The following RBL1 variants were observed in gnomAD, a reference collection of about 807,000 sequenced individuals.
RBL1 encodes retinoblastoma-like protein 1.
In RBL1, 82 loss-of-function variants were observed where a neutral mutation model predicts 123.0. The observed-to-expected ratio is 0.67, with a 90% CI of 0.56 to 0.80. The LOEUF (loss-of-function observed/expected upper bound fraction) is 0.80, where lower values mean the gene tolerates loss of function less well. RBL1 is among the 30% of genes least tolerant of loss of function. The pLI is 0.00. For synonymous variants in RBL1, 405 were observed against 441.3 expected, an observed-to-expected ratio of 0.92 and a Z score of 1.03; for missense variants, 1,171 against 1,299.6, an observed-to-expected ratio of 0.90 and a Z score of 1.52.
chr20:37,000,659 C>T (rs867084751), intron 21 of RBL1, among the ~76,000 whole-genome samples: 2,849 of 132,396 alleles, frequency 0.022, no homozygotes, highest in Non-Finnish European at 0.031. Flanking sequence ...TCTGCCCGGC[C>T]GCCCCTACTG....
intron 19 of RBL1, among the ~76,000 whole-genome samples, chr20:37,016,292 T>C (rs1346125723): frequency 2.0e-5 from 3 of 152,174 alleles, no homozygotes; most frequent in Non-Finnish European, 2.9e-5. Flanking sequence ...CCTCCCAAAG[T>C]GCTGGGATTA....
At position 37,040,198 on chromosome 20, in the gene RBL1, G is replaced by C. The variant is rs1202255947; in HGVS notation, c.1858C>G (p.Pro620Ala). The C allele has an allele frequency of 1.9e-6, 3 of 1,613,690 alleles. No individual in the cohort carries two copies. The Admixed American group carries it at 5.0e-5, about 27-fold the overall frequency. The change falls in exon 14 of 22, where the codon CCA (proline) becomes GCA (alanine). Residue 620 changes from proline (P) to alanine (A), a missense_variant. Pro to Ala is a conservative substitution (Grantham distance 27). Coordinates refer to ENST00000373664, the MANE Select transcript of RBL1 (RefSeq NM_002895.5). ...PLMPMSPLMH[P>A]RVKEVRTDSG... ...TCAGTTCGAACTTCCTTGACTCTTG[G>C]GTGCATTAGAGGAGACATTGGCATC...
At chr20:37,015,900 G>A (rs1299392144) in intron 19 of RBL1, among the ~76,000 whole-genome samples, 1 of 143,142 alleles carries the variant, frequency 7.0e-6, no homozygotes, top group Non-Finnish European at 1.5e-5. Flanking sequence ...AATTTTTGTA[G>A]TTTTAGTAGA....
At chr20:37,022,166 G>A (rs1439939809) in intron 17 of RBL1, among the ~76,000 whole-genome samples, 1 of 152,152 alleles carries the variant, frequency 6.6e-6, no homozygotes, top group African/African-American at 2.4e-5. Flanking sequence ...AGTGTGGCCA[G>A]TACAGTCAAG....
chr20:37,027,013 CA>C (rs1241447067), intron 16 of RBL1, among the ~76,000 whole-genome samples: 19 of 140,182 alleles, frequency 1.4e-4, no homozygotes, highest in South Asian at 2.3e-4. Flanking sequence ...AAAAAAACAA[CA>C]AAAAAAAACA....
chr20:37,065,524 C>G (rs562797171), intron 6 of RBL1, 51 bp from the exon 7 acceptor site: 1 of 1,191,370 alleles, frequency 8.4e-7, no homozygotes, highest in East Asian at 2.4e-5. Flanking sequence ...CATATTAATA[C>G]ACACACAAAC....
intron 14 of RBL1, among the ~76,000 whole-genome samples, chr20:37,038,639 G>T (rs1443289557): frequency 8.0e-6 from 1 of 124,300 alleles, no homozygotes; most frequent in Non-Finnish European, 1.6e-5. Context: ...GTCTCGCTCT[G>T]TCCGCCAGGC....
intron 2 of RBL1, among the ~76,000 whole-genome samples, chr20:37,082,721 G>A (rs2065472481): frequency 6.6e-6 from 1 of 152,194 alleles, no homozygotes; most frequent in South Asian, 2.1e-4. Context: ...ATGGGACCAG[G>A]TGTGGTGGCT....
chr20:37,065,327 TCTTA>T, intron 7 of RBL1, 93 bp downstream of exon 7: 1 of 825,970 alleles, frequency 1.2e-6, no homozygotes, highest in African/African-American at 1.7e-5. Context: ...AATTTGGAGG[TCTTA>T]CTTTGATATA....
chr20:36,999,055 C>G, intron 21 of RBL1, 126 bp from the exon 22 acceptor site: 1 of 840,910 alleles, frequency 1.2e-6, no homozygotes, highest in East Asian at 2.7e-5. Flanking sequence ...GATAAGGACT[C>G]TTTTTAAAAC....
intron 19 of RBL1, among the ~76,000 whole-genome samples, chr20:37,013,214 A>T (rs143904538): frequency 0.12 from 18,708 of 152,084 alleles, 1,204 homozygotes; most frequent in African/African-American, 0.15. Flanking sequence ...AGAGGTAGAC[A>T]TGGGAGACTT....
Position 37,095,871 on chromosome 20 carries a change from C to T in RBL1, c.58G>A (p.Ala20Thr). Residue 20 changes from alanine (A) to threonine (T), a missense_variant, in exon 1 of 22, where the codon GCG becomes ACG. Ala to Thr is a moderately conservative substitution (Grantham distance 58). Transcript: ENST00000373664. ...GAAVVAAAGE[A>T]LQALCQELNL... ...AGCTCCTGGCACAGGGCCTGTAGCG[C>T]CTCCCCGGCTGCGGCGACCACCGCC... The T allele has an allele frequency of 1.2e-6, 2 of 1,605,966 alleles. No homozygotes were observed. The highest frequency in any genetic ancestry group is 1.7e-6 in the Non-Finnish European group (2 of 1,177,036).
Position 36,997,320 on chromosome 20 carries a change from C to G in RBL1, c.*1439G>C, listed in dbSNP as rs988597189. On this transcript the variant is annotated 3_prime_UTR_variant, in exon 22 of 22. Coordinates refer to ENST00000373664, the MANE Select transcript of RBL1 (RefSeq NM_002895.5). ...AACATCTTCAGGAGTACTCAGTACT[C>G]CCTAGTACATCCCTAGTACTGAAAA... is the stretch of plus-strand genomic sequence containing the variant. 6.6e-6 allele frequency: 1 copy of G among 151,926 alleles called. No individual in the cohort carries two copies. Among genetic ancestry groups the G allele is most frequent in the African/African-American group, 2.4e-5 (1 of 41,342 alleles). The allele number at this position is 151,926 out of a possible 1,614,324, so 9.4% of individuals were successfully genotyped here.
intron 2 of RBL1, among the ~76,000 whole-genome samples, chr20:37,079,465 A>ATTTTTTTTTTTTTTTTTTTTTTTTTTT (rs768901139): frequency 8.6e-6 from 1 of 115,682 alleles, no homozygotes; most frequent in Non-Finnish European, 1.7e-5. Context: ...GGCTTAAAGC[A>ATTTTTTTTTTTTTTTTTTTTTTTTTTT]TTTTTTTTTT....
intron 16 of RBL1, among the ~76,000 whole-genome samples, chr20:37,027,774 A>AGACG (rs2064449471): frequency 6.6e-6 from 1 of 152,178 alleles, no homozygotes; most frequent in Non-Finnish European, 1.5e-5. Context: ...TGAGTTTTGG[A>AGACG]GACGGGATCT....
intron 2 of RBL1, among the ~76,000 whole-genome samples, chr20:37,079,273 T>C (rs1276330227): frequency 2.0e-5 from 3 of 150,846 alleles, no homozygotes; most frequent in African/African-American, 7.3e-5. Context: ...ATGATTATAA[T>C]TTTTAGAAAA....
chr20:37,032,767 A>G lies in RBL1; in HGVS notation c.2280T>C (p.Gly760=), dbSNP rs2064534386. 1 of 1,614,026 alleles carries G rather than the reference A, an allele frequency of 6.2e-7. No individual in the cohort carries two copies. ...PVSLTAHSLI[G]ASPKQTNLTK... is the part of the protein sequence containing the mutation. ...TCAGATTGGTCTGTTTTGGAGAAGC[A>G]CCAATTAATGAATGAGCAGTAAGTG... The change falls in exon 16 of 22, where the codon GGT becomes GGC. Residue 760 remains glycine (G), a synonymous_variant. Transcript: ENST00000373664.
At chr20:37,067,614 C>G (rs2065199134) in intron 3 of RBL1, among the ~76,000 whole-genome samples, 1 of 151,318 alleles carries the variant, frequency 6.6e-6, no homozygotes, top group South Asian at 2.1e-4. Flanking sequence ...ACTAAAAATA[C>G]AAAAAATGAG....
chr20:37,019,568 T>C (rs1343836000), intron 18 of RBL1, among the ~76,000 whole-genome samples: 1 of 152,210 alleles, frequency 6.6e-6, no homozygotes, highest in Non-Finnish European at 1.5e-5. Flanking sequence ...GTTCTTCAAA[T>C]GTCTCTATAT....
Sources: gnomAD v4.1 joint callset for allele counts (sites outside exome capture counted in the v4.1 genomes callset) on GRCh38, gnomAD v4.1.1 for gene constraint, MANE v1.5 for transcripts, NCBI Gene and HGNC (gene_info 2026-07-23, HGNC 2026-07-21) for gene names.